The following DHX36 variants were observed in gnomAD, a reference collection of about 807,000 sequenced individuals.
The protein encoded by DHX36 is DEAH-box helicase 36.
DHX36 carries 50 observed loss-of-function variants against 139.0 expected under a neutral mutation model. The observed-to-expected ratio is 0.36, with a 90% CI of 0.29 to 0.46. The LOEUF (loss-of-function observed/expected upper bound fraction) is 0.46. DHX36 is among the 20% of genes least tolerant of loss of function. DHX36 has a pLI of 1.00. For synonymous variants in DHX36, 425 were observed against 401.9 expected (o/e 1.06, Z -0.69); for missense variants, 1,024 against 1,211.3 (o/e 0.85, Z 2.29).
In DHX36 at chr3:154,324,334, C is replaced by T. The variant is rs770517246; in HGVS notation, c.83G>A (p.Gly28Glu). The T allele has an allele frequency of 6.2e-7, 1 of 1,608,980 alleles. No individual in the cohort carries two copies. Among genetic ancestry groups the T allele is most frequent in the South Asian group, 1.1e-5 (1 of 90,222 alleles). Residue 28 changes from glycine (G) to glutamate (E), a missense_variant, in exon 1 of 25, where the codon GGG (glycine) becomes GAG (glutamate). Gly to Glu is a moderately conservative substitution (Grantham distance 98). Transcript: ENST00000496811. Reference sequence around the variant, plus strand: ...GGAGCCTCGGTTACCTCCATGACCCCCTGCTGGCCCCCCTCCATAGCCCCC... The same window carrying T: ...GGAGCCTCGGTTACCTCCATGACCCTCTGCTGGCCCCCCTCCATAGCCCCC... ...SGGGYGGGPAGGHGGNRGSGG... is the reference protein window; with the variant it reads ...SGGGYGGGPAEGHGGNRGSGG...
At chr3:154,294,440 AT>A (rs1711946571) in intron 13 of DHX36, among the ~76,000 whole-genome samples, 1 of 152,254 alleles carries the variant, frequency 6.6e-6, no homozygotes, top group African/African-American at 2.4e-5. Context: ...CTGGTAGTCA[AT>A]ACAGAAAATG....
intron 15 of DHX36, among the ~76,000 whole-genome samples, chr3:154,290,891 T>C (rs1036440181): frequency 3.3e-5 from 5 of 151,200 alleles, no homozygotes; most frequent in African/African-American, 1.2e-4. Context: ...TCCCAGCACT[T>C]TGGGAGGCCG....
At chr3:154,319,429 C>T (rs996801853) in intron 1 of DHX36, 3 of 152,156 alleles carry the variant, frequency 2.0e-5, no homozygotes, top group East Asian at 1.9e-4. Flanking sequence ...AGCATTCACA[C>T]GCAGTTTTTC....
chr3:154,312,660 G>A (rs568913549), intron 3 of DHX36, among the ~76,000 whole-genome samples: 22 of 150,978 alleles, frequency 1.5e-4, no homozygotes, highest in African/African-American at 5.3e-4. Flanking sequence ...GGCCAGCAAG[G>A]TGAAATCCCG....
In DHX36 at chr3:154,273,709, T is replaced by C. The variant is rs1719063679; in HGVS notation, c.*2462A>G. 2 of 152,184 alleles carry C rather than the reference T, an allele frequency of 1.3e-5. No homozygotes were observed. Among genetic ancestry groups the C allele is most frequent in the South Asian group, 4.1e-4 (2 of 4,832 alleles). 9.4% of individuals were successfully genotyped at this position (152,184 alleles called of 1,614,324 possible). On this transcript the variant is annotated 3_prime_UTR_variant, in exon 25 of 25. Coordinates refer to ENST00000496811, the MANE Select transcript of DHX36 (RefSeq NM_020865.3). Reference sequence around the variant, plus strand: ...TAACAGGTAACACACATTCCCAGGATTGGGAGCAGTACCTGAACAAGTGCT... The same window carrying C: ...TAACAGGTAACACACATTCCCAGGACTGGGAGCAGTACCTGAACAAGTGCT...
At chr3:154,300,734 C>G (rs1559953360) in intron 10 of DHX36, 38 bp from the exon 11 acceptor site, 2 of 1,531,088 alleles carry the variant, frequency 1.3e-6, no homozygotes, top group Non-Finnish European at 1.8e-6. Flanking sequence ...AATACTTAAT[C>G]AAGTTTTCTG....
At chr3:154,312,899 A>ATG (rs1712828980) in intron 3 of DHX36, among the ~76,000 whole-genome samples, 1 of 109,536 alleles carries the variant, frequency 9.1e-6, no homozygotes, top group African/African-American at 3.6e-5. Context: ...ATATATATAT[A>ATG]TAAAATAAAT....
chr3:154,317,091 G>C (rs772481683), intron 1 of DHX36, among the ~76,000 whole-genome samples: 1 of 152,054 alleles, frequency 6.6e-6, no homozygotes, highest in Non-Finnish European at 1.5e-5. Context: ...TGACTATTTG[G>C]TGGAAGTTGG....
intron 15 of DHX36, 23 bp downstream of exon 15, chr3:154,292,528 T>C: frequency 6.2e-7 from 1 of 1,613,888 alleles, no homozygotes; most frequent in East Asian, 2.2e-5. Context: ...TTCTAAAAGC[T>C]TTGGACAGAG....
chr3:154,310,504 C>CGGGCAT (rs1712690201), intron 4 of DHX36, among the ~76,000 whole-genome samples: 1 of 151,436 alleles, frequency 6.6e-6, no homozygotes, highest in Admixed American at 6.6e-5. Context: ...CCACTTAGGC[C>CGGGCAT]GGGCATGGTG....
At chr3:154,311,772 C>A in intron 3 of DHX36, 98 bp from the exon 4 acceptor site, 2 of 860,656 alleles carry the variant, frequency 2.3e-6, no homozygotes, top group Non-Finnish European at 1.7e-6. Context: ...TGGCTAGAAT[C>A]CGAAAGTATT....
intron 4 of DHX36, among the ~76,000 whole-genome samples, chr3:154,310,952 T>A (rs918094668): frequency 2.0e-5 from 3 of 149,352 alleles, no homozygotes; most frequent in African/African-American, 7.4e-5. Flanking sequence ...ACTGAAATTA[T>A]AGCTGGTAAA....
intron 17 of DHX36, among the ~76,000 whole-genome samples, chr3:154,288,208 C>CATT (rs1711626876): frequency 7.4e-6 from 1 of 134,442 alleles, no homozygotes; most frequent in Non-Finnish European, 1.6e-5. Flanking sequence ...AGCAACAATA[C>CATT]ATTTGAATCT....
In DHX36 at chr3:154,320,142, C is replaced by G. The variant is rs541313681; in HGVS notation, c.244-3979G>C. Among the ~76,000 whole-genome samples the G allele has an allele frequency of 3.3e-5, 5 of 152,172 alleles. 1 individual carries two copies. The highest frequency in any genetic ancestry group is 7.4e-5 in the Non-Finnish European group (5 of 68,026). On this transcript the variant is annotated intron_variant, in intron 1 of 24. Coordinates refer to ENST00000496811, the MANE Select transcript of DHX36 (RefSeq NM_020865.3). ...CACTATCAATTACTTCTTGTTGATACGCTCTTCTCTCCTTTAAACACTACT... is the reference window on the plus strand; with the variant it reads ...CACTATCAATTACTTCTTGTTGATAGGCTCTTCTCTCCTTTAAACACTACT...
Position 154,315,088 on chromosome 3 carries a change from A to G in DHX36, c.561T>C (p.Asp187=). 2 of 1,610,238 alleles carry G rather than the reference A, an allele frequency of 1.2e-6. No individual in the cohort carries two copies. Among genetic ancestry groups the G allele is most frequent in the Non-Finnish European group, 1.7e-6 (2 of 1,178,790 alleles). Residue 187 remains aspartate, a synonymous_variant, in exon 3 of 25, where the codon GAT becomes GAC. Coordinates refer to ENST00000496811, the MANE Select transcript of DHX36 (RefSeq NM_020865.3). The stretch of plus-strand genomic sequence containing the variant: ...GAAGGTCATTTTTTTTCTTTTGTAA[A>G]TCTTCCAATAATTTTTGGTCTAAAG... ...DGTLDQKLLE[D]LQKKKNDLRY... is the part of the protein sequence containing the mutation.
At chr3:154,300,750 T>C (rs1712237721) in intron 10 of DHX36, 54 bp from the exon 11 acceptor site, 8 of 1,488,636 alleles carry the variant, frequency 5.4e-6, no homozygotes, top group Admixed American at 3.6e-5. Context: ...TTCTGTTAAC[T>C]TGCTACAAAA....
rs554516361 is a variant in DHX36 at position 154,285,426 on chromosome 3, A to C, written c.2032-439T>G. Among the ~76,000 whole-genome samples the C allele has an allele frequency of 2.6e-5, 4 of 152,226 alleles. No homozygotes were observed. In the South Asian group the frequency reaches 8.3e-4, roughly 32 times the overall value. ...ACTATCTAAAACCACAGAAAATGGG[A>C]GTGACTTCTGCTCTGATTCCCTAGG... On this transcript the variant is annotated intron_variant, in intron 17 of 24. Transcript: ENST00000496811.
chr3:154,290,269 G>C (rs1004829705), intron 15 of DHX36, among the ~76,000 whole-genome samples: 5 of 152,168 alleles, frequency 3.3e-5, no homozygotes, highest in African/African-American at 7.2e-5. Context: ...TGAGTTTTCA[G>C]AGGGATATTA....
Position 154,299,915 on chromosome 3 carries a change from A to G in DHX36, c.1472T>C (p.Ile491Thr). Residue 491 changes from isoleucine (I) to threonine (T), a missense_variant, in exon 12 of 25, where the codon ATA (isoleucine) becomes ACA (threonine). This residue lies in a region of DHX36 where 470 missense variants were observed against 616.2 expected (regional missense o/e 0.76). Transcript: ENST00000496811. ...YIVLEEEDGAILVFLPGWDNI... is the reference protein window; with the variant it reads ...YIVLEEEDGATLVFLPGWDNI... ...GTCCCAGCCTGGCAGAAAGACCAGT[A>G]TCGCACCATCCTATATGAAGGGGAA... is the stretch of plus-strand genomic sequence containing the variant. The G allele has an allele frequency of 6.2e-7, 1 of 1,611,788 alleles. No individual in the cohort carries two copies. Among genetic ancestry groups the G allele is most frequent in the Non-Finnish European group, 8.5e-7 (1 of 1,177,868 alleles).
Sources: allele counts gnomAD v4.1 joint callset (sites outside exome capture counted in the v4.1 genomes callset), GRCh38; gene constraint gnomAD v4.1.1; regional missense constraint gnomAD v4.1.1; transcripts MANE v1.5; gene names NCBI Gene and HGNC (gene_info 2026-07-23, HGNC 2026-07-21).